Variants in ZFC3H1 observed in about 807,000 individuals in gnomAD.
ZFC3H1 encodes zinc finger C3H1 domain-containing protein.
Under a neutral mutation model 243.7 loss-of-function variants are expected in ZFC3H1, and 71 were observed. That is an observed-to-expected ratio of 0.29 (90% CI 0.24 to 0.36). The LOEUF is 0.36. Ranked by LOEUF, ZFC3H1 falls within the 10% of genes least tolerant of loss-of-function variation. The pLI, the probability that ZFC3H1 is intolerant of heterozygous loss-of-function variation, is 1.00. For synonymous variants in ZFC3H1, 838 were observed against 813.0 expected (o/e 1.03, Z -0.52); for missense variants, 1,966 against 2,317.1 (o/e 0.85, Z 3.11).
intron 6 of ZFC3H1, among the ~76,000 whole-genome samples, chr12:71,639,858 C>T (rs1880557907): frequency 1.3e-5 from 2 of 152,198 alleles, no homozygotes; most frequent in African/African-American, 4.8e-5. Flanking sequence ...CAAGTGTTTG[C>T]TGGTGTTTGA....
At chr12:71,656,704 TA>T (rs1340221415) in intron 2 of ZFC3H1, 180 bp downstream of exon 2, 1 of 661,368 alleles carries the variant, frequency 1.5e-6, no homozygotes, top group East Asian at 2.8e-5. Flanking sequence ...AATAAATAAA[TA>T]AATAAAGACT....
At position 71,632,468 on chromosome 12, in the gene ZFC3H1, C is replaced by T; in HGVS notation, c.2864G>A (p.Arg955Lys). The T allele has an allele frequency of 1.3e-6, 2 of 1,598,026 alleles. No individual in the cohort carries two copies. The highest frequency in any genetic ancestry group is 1.7e-6 in the Non-Finnish European group (2 of 1,178,124). Residue 955 changes from arginine to lysine, a missense_variant, in exon 15 of 35, where the codon AGA (arginine) becomes AAA (lysine). Coordinates refer to ENST00000378743, the MANE Select transcript of ZFC3H1 (RefSeq NM_144982.5). ...RLDSSPVSSP[R>K]KHSAELIAME... ...AGCAATTAGTTCTGCTGAATGCTTT[C>T]TTGGACTTGATACTGGAGAACTGTC...
Position 71,632,206 on chromosome 12 carries a change from C to T in ZFC3H1, c.3126G>A (p.Glu1042=), listed in dbSNP as rs773705922. 1.2e-6 allele frequency: 2 copies of T among 1,608,946 alleles called. No homozygotes were observed. The highest frequency in any genetic ancestry group is 1.1e-5 in the South Asian group (1 of 90,314). ...DDEILSGSSR[E]RRRSFLESNY... ...TGGATTCTAAAAAAGATCTTCTTCG[C>T]TCTCTGCTTGAACCAGACAAAATTT... The change falls in exon 15 of 35, where the codon GAG becomes GAA. Residue 1042 remains glutamate (E), a synonymous_variant. Coordinates refer to ENST00000378743, the MANE Select transcript of ZFC3H1 (RefSeq NM_144982.5).
At chr12:71,633,065 C>T (rs1880365403) in intron 13 of ZFC3H1, 48 bp from the exon 14 acceptor site, 1 of 1,539,310 alleles carries the variant, frequency 6.5e-7, no homozygotes, top group Admixed American at 2.3e-5. Context: ...AACCTTAAAA[C>T]AGGAAATTTC....
chr12:71,641,780 CA>C (rs1395833939), intron 6 of ZFC3H1, among the ~76,000 whole-genome samples: 1 of 152,156 alleles, frequency 6.6e-6, no homozygotes, highest in East Asian at 1.9e-4. Context: ...TTGACTAAAG[CA>C]GAAAGTATCT....
chr12:71,615,004 G>A, intron 28 of ZFC3H1, 66 bp from the exon 29 acceptor site: 2 of 1,391,644 alleles, frequency 1.4e-6, no homozygotes, highest in Non-Finnish European at 2.0e-6. Flanking sequence ...GAATGACAAA[G>A]TATTTTAAAC....
In ZFC3H1 at chr12:71,635,472, T is replaced by C. The variant is rs1339863214; in HGVS notation, c.2209A>G (p.Met737Val). 6.3e-7 allele frequency: 1 copy of C among 1,576,936 alleles called. No homozygotes were observed. Among genetic ancestry groups the C allele is most frequent in the Non-Finnish European group, 8.6e-7 (1 of 1,167,206 alleles). ...GCAGTTCGTCTTGCTTCTTTAATCA[T>C]GGACTCTAATCCACCAAAAACACTA... ...TNSVFGGLES[M>V]IKEARRTAEQ... Residue 737 changes from methionine to valine, a missense_variant, in exon 10 of 35, where the codon ATG (methionine) becomes GTG (valine). By Grantham distance (21) the Met-to-Val change is conservative (BLOSUM62 1). Coordinates refer to ENST00000378743, the MANE Select transcript of ZFC3H1 (RefSeq NM_144982.5).
At chr12:71,644,065 G>A (rs767307229) in intron 5 of ZFC3H1, 30 bp downstream of exon 5, 18 of 1,572,688 alleles carry the variant, frequency 1.1e-5, no homozygotes, top group Middle Eastern at 3.4e-4. Flanking sequence ...TTAGAGTAAC[G>A]TTTTGATTTT....
chr12:71,610,857 A>T, intron 33 of ZFC3H1, 100 bp from the exon 34 acceptor site: 1 of 1,439,388 alleles, frequency 6.9e-7, no homozygotes, highest in Non-Finnish European at 9.6e-7. Context: ...ATAACATCTG[A>T]GACAAAATGG....
chr12:71,628,069 T>G, intron 20 of ZFC3H1, 135 bp from the exon 21 acceptor site: 1 of 869,944 alleles, frequency 1.1e-6, no homozygotes, highest in Non-Finnish European at 1.7e-6. Context: ...GCTCACAGCT[T>G]TAAGGTAGAG....
intron 5 of ZFC3H1, 39 bp downstream of exon 5, chr12:71,644,056 T>C: frequency 1.3e-6 from 2 of 1,541,830 alleles, no homozygotes; most frequent in East Asian, 4.5e-5. Context: ...TAAGGAAACT[T>C]AGAGTAACGT....
chr12:71,652,678 C>A (rs1149018), intron 2 of ZFC3H1, among the ~76,000 whole-genome samples: 75,958 of 152,020 alleles, frequency 0.5, 22,150 homozygotes, highest in Middle Eastern at 0.71. Context: ...TATTATACTC[C>A]ATGATAGAGA....
In ZFC3H1 at chr12:71,609,621, T is replaced by TA. The variant is rs1020413714; in HGVS notation, c.*806dup. 1 of 152,140 alleles carries TA rather than the reference T, an allele frequency of 6.6e-6. No individual in the cohort carries two copies. The highest frequency in any genetic ancestry group is 2.4e-5 in the African/African-American group (1 of 41,416). The allele number at this position is 152,140 out of a possible 1,614,324, so 9.4% of individuals were successfully genotyped here. On this transcript the variant is annotated 3_prime_UTR_variant, in exon 35 of 35. Transcript: ENST00000378743. ...GAGTTTTTAGAAAGTTAACTTATATTAAAAAAGTATATAAACAATTTCAAT... is the reference window on the plus strand; with the variant it reads ...GAGTTTTTAGAAAGTTAACTTATATTAAAAAAAGTATATAAACAATTTCAAT...
chr12:71,649,217 G>C (rs191272258), intron 2 of ZFC3H1, among the ~76,000 whole-genome samples: 174 of 152,184 alleles, frequency 1.1e-3, no homozygotes, highest in African/African-American at 3.9e-3. Flanking sequence ...CAAGTGATCT[G>C]AGCCATGTAG....
intron 19 of ZFC3H1, 111 bp downstream of exon 19, chr12:71,629,498 T>C (rs930269444): frequency 2.5e-5 from 18 of 711,882 alleles, no homozygotes; most frequent in Non-Finnish European, 4.2e-5. Flanking sequence ...AAGAACATAA[T>C]ACCAACAAAA....
Position 71,615,327 on chromosome 12 carries a change from A to G in ZFC3H1, c.5145-11T>C, listed in dbSNP as rs749384460. Reference sequence around the variant, plus strand: ...ATATTTAAGAGATACCTGAAAAAAAAAATCCAAATATTGTTTTAAATTACA... The same window carrying G: ...ATATTTAAGAGATACCTGAAAAAAAGAATCCAAATATTGTTTTAAATTACA... On this transcript the variant is annotated splice_polypyrimidine_tract_variant and intron_variant, in intron 27 of 34. Transcript: ENST00000378743. 1 of 1,564,140 alleles carries G rather than the reference A, an allele frequency of 6.4e-7. No homozygotes were observed. The highest frequency in any genetic ancestry group is 8.8e-7 in the Non-Finnish European group (1 of 1,141,864).
rs754594027 is a variant in ZFC3H1, at chr12:71,663,602, G to T, written c.9C>A (p.Thr3=). 6 of 1,608,966 alleles carry T rather than the reference G, an allele frequency of 3.7e-6. No homozygotes were observed. The highest frequency in any genetic ancestry group is 1.1e-5 in the South Asian group (1 of 91,068). Residue 3 remains threonine (T), a synonymous_variant, in exon 1 of 35, where the codon ACC becomes ACA. Coordinates refer to ENST00000378743, the MANE Select transcript of ZFC3H1 (RefSeq NM_144982.5). ...TGGAGGCCGGGGCCGGAGTATCTGC[G>T]GTCGCCATCCGGGGAGCAGCGCCTT... MA[T]ADTPAPASSG...
intron 2 of ZFC3H1, among the ~76,000 whole-genome samples, chr12:71,651,125 T>C (rs1592601552): frequency 6.6e-6 from 1 of 152,192 alleles, no homozygotes. Flanking sequence ...GTTCAATAGA[T>C]CTAAGGTAGA....
chr12:71,631,739 A>T, intron 16 of ZFC3H1, 39 bp downstream of exon 16: 1 of 1,509,488 alleles, frequency 6.6e-7, no homozygotes, highest in South Asian at 1.2e-5. Context: ...ACCAAACAGA[A>T]ATCCTGAAAT....
Sources: gnomAD v4.1 joint callset for allele counts (sites outside exome capture counted in the v4.1 genomes callset) on GRCh38, gnomAD v4.1.1 for gene constraint, MANE v1.5 for transcripts, NCBI Gene and HGNC (gene_info 2026-07-23, HGNC 2026-07-21) for gene names.